ATP10B: variants seen among roughly 807,000 people sequenced by gnomAD.
The protein encoded by ATP10B is ATPase phospholipid transporting 10B (putative).
Under a neutral mutation model 141.2 loss-of-function variants are expected in ATP10B, and 122 were observed. That is an observed-to-expected ratio of 0.86 (90% CI 0.75 to 1.00). ATP10B has a LOEUF of 1.00. Among genes scored for constraint, ATP10B ranks in the 50% least tolerant of loss-of-function variants. The pLI, the probability that ATP10B is intolerant of heterozygous loss-of-function variation, is 0.00. For missense variants in ATP10B, 1,876 were observed against 1,825.3 expected (o/e 1.03, Z -0.51); for synonymous variants, 685 against 692.0 (o/e 0.99, Z 0.16).
At chr5:160,755,879 T>TATATA (rs1768563124) in intron 2 of ATP10B, among the ~76,000 whole-genome samples, 1 of 116,648 alleles carries the variant, frequency 8.6e-6, no homozygotes, top group Non-Finnish European at 1.8e-5. Context: ...ATATATATAT[T>TATATA]ATAATTTTAT....
chr5:160,855,907 G>C (rs1259761620), upstream of ATP10B, among the ~76,000 whole-genome samples: 2 of 151,230 alleles, frequency 1.3e-5, no homozygotes, highest in Non-Finnish European at 3.0e-5. Flanking sequence ...TTGCATATTT[G>C]TGTGGATCTA....
intron 1 of ATP10B, among the ~76,000 whole-genome samples, chr5:160,814,548 A>G: frequency 7.1e-6 from 1 of 141,036 alleles, no homozygotes; most frequent in Admixed American, 7.2e-5. Flanking sequence ...GGACCCAAGT[A>G]GGAAAACCCT....
chr5:160,919,488 G>T, the ATP10B span, among the ~76,000 whole-genome samples: 1 of 152,086 alleles, frequency 6.6e-6, no homozygotes, highest in Admixed American at 6.6e-5. Context: ...GGGAGGAGTC[G>T]CTAGCAGCCA....
chr5:160,578,074 G>A (rs1755307866), intron 24 of ATP10B, among the ~76,000 whole-genome samples: 2 of 151,946 alleles, frequency 1.3e-5, no homozygotes, highest in South Asian at 4.2e-4. Context: ...TTTTTTTAAA[G>A]GAAGAATTTA....
chr5:160,612,863 C>G lies in ATP10B; in HGVS notation c.2716G>C (p.Glu906Gln). Residue 906 changes from glutamate to glutamine, a missense_variant, in exon 18 of 26, where the codon GAG becomes CAG. Coordinates refer to ENST00000327245, the MANE Select transcript of ATP10B (RefSeq NM_025153.3). The part of the protein sequence containing the change: ...GVPDTIATLR[E>Q]AGIQLWVLTG... ...AGGACCCAGAGCTGGATCCCAGCCT[C>G]CCGCAGAGTGGCAATCGTATCTGGA... 1.2e-6 allele frequency: 2 copies of G among 1,614,074 alleles called. No homozygotes were observed. Among genetic ancestry groups the G allele is most frequent in the Non-Finnish European group, 8.5e-7 (1 of 1,179,988 alleles).
At chr5:160,628,353 G>A (rs1051514279) in intron 13 of ATP10B, among the ~76,000 whole-genome samples, 2 of 152,222 alleles carry the variant, frequency 1.3e-5, no homozygotes, top group Non-Finnish European at 2.9e-5. Context: ...ACTGCTTCCT[G>A]CCCTGTGTGA....
intron 6 of ATP10B, among the ~76,000 whole-genome samples, chr5:160,672,487 GAC>G (rs1448711912): frequency 2.6e-5 from 4 of 152,300 alleles, no homozygotes; most frequent in East Asian, 1.9e-4. Flanking sequence ...TTCCTCATGT[GAC>G]ACAGTTTCAA....
chr5:160,680,014 C>A (rs919055012), intron 6 of ATP10B, among the ~76,000 whole-genome samples: 20 of 152,130 alleles, frequency 1.3e-4, no homozygotes, highest in African/African-American at 4.3e-4. Flanking sequence ...CACCTTTAGA[C>A]CACAAACACG....
At chr5:160,701,796 A>G (rs1381671505) in intron 3 of ATP10B, among the ~76,000 whole-genome samples, 3 of 146,400 alleles carry the variant, frequency 2.0e-5, no homozygotes, top group African/African-American at 7.7e-5. Flanking sequence ...CTGGGAAGTC[A>G]CCCCTCTACC....
intron 1 of ATP10B, among the ~76,000 whole-genome samples, chr5:160,819,108 C>G (rs1396871375): frequency 1.3e-5 from 2 of 151,984 alleles, no homozygotes; most frequent in African/African-American, 4.8e-5. Flanking sequence ...TGTAACTAAC[C>G]TGCATGTTGT....
At chr5:160,816,117 G>A (rs975983430) in intron 1 of ATP10B, among the ~76,000 whole-genome samples, 2 of 150,564 alleles carry the variant, frequency 1.3e-5, no homozygotes, top group African/African-American at 4.9e-5. Flanking sequence ...AGAAGCAAGA[G>A]CAAACACATT....
rs76028762 is a variant in ATP10B, at chr5:160,631,879, C to T, written c.1620+250G>A. Among the ~76,000 whole-genome samples the T allele has an allele frequency of 9.3e-4, 141 of 152,228 alleles. 2 individuals are homozygous for T. The East Asian group carries it at 0.024, about 26-fold the overall frequency. On this transcript the variant is annotated intron_variant, in intron 13 of 25. Coordinates refer to ENST00000327245, the MANE Select transcript of ATP10B (RefSeq NM_025153.3). The stretch of plus-strand genomic sequence containing the variant: ...CTTAGTGTGGAGAATTTTTATAATT[C>T]AATTTTTAAAAGAGAAGCAAAAAAG...
intron 8 of ATP10B, among the ~76,000 whole-genome samples, chr5:160,645,580 G>A (rs58247259): frequency 0.02 from 3,069 of 152,272 alleles, 94 homozygotes; most frequent in African/African-American, 0.07. Context: ...AGTCCAGGGA[G>A]CATTGCAGTT....
the ATP10B span, among the ~76,000 whole-genome samples, chr5:160,872,816 A>G: frequency 3.5e-4 from 54 of 152,238 alleles, no homozygotes; most frequent in African/African-American, 1.3e-3. Context: ...TGTGATGCCT[A>G]CAGATTTGTT....
chr5:160,682,263 T>C (rs1048724449), intron 6 of ATP10B, among the ~76,000 whole-genome samples: 3 of 152,236 alleles, frequency 2.0e-5, no homozygotes, highest in Admixed American at 6.5e-5. Context: ...TATGGGTCCA[T>C]TGGAGGAGGG....
chr5:160,622,339 C>T (rs1456492219), intron 14 of ATP10B, 55 bp downstream of exon 14: 1 of 1,522,366 alleles, frequency 6.6e-7, no homozygotes, highest in Non-Finnish European at 8.8e-7. Context: ...CCCTACCCTG[C>T]CTTCTACTCC....
chr5:160,813,707 G>C (rs1415786653), intron 1 of ATP10B, among the ~76,000 whole-genome samples: 1 of 152,216 alleles, frequency 6.6e-6, no homozygotes, highest in Admixed American at 6.5e-5. Context: ...CCTGACCCCT[G>C]AGTAGCCTAA....
At chr5:160,733,652 CAT>C (rs1358364560) in intron 2 of ATP10B, among the ~76,000 whole-genome samples, 2 of 142,132 alleles carry the variant, frequency 1.4e-5, no homozygotes, top group Non-Finnish European at 3.0e-5. Context: ...ATGTGTAACA[CAT>C]ATATGTAACG....
the ATP10B span, among the ~76,000 whole-genome samples, chr5:160,874,303 A>G: frequency 6.6e-6 from 1 of 151,984 alleles, no homozygotes; most frequent in Admixed American, 6.6e-5. Flanking sequence ...GGGTATTCCA[A>G]CAGACCTGCA....
Sources: allele counts gnomAD v4.1 joint callset (sites outside exome capture counted in the v4.1 genomes callset), GRCh38; gene constraint gnomAD v4.1.1; transcripts MANE v1.5; gene names NCBI Gene and HGNC (gene_info 2026-07-23, HGNC 2026-07-21).